Variants in CACNA1E observed in about 807,000 individuals in gnomAD.
CACNA1E encodes the protein voltage-dependent R-type calcium channel subunit alpha-1E.
CACNA1E carries 40 observed loss-of-function variants against 259.2 expected under a neutral mutation model. The observed-to-expected ratio is 0.15, with a 90% CI of 0.12 to 0.20. The LOEUF (loss-of-function observed/expected upper bound fraction) is 0.20. Ranked by LOEUF, CACNA1E falls within the 10% of genes least tolerant of loss-of-function variation. The pLI is 1.00. For missense variants in CACNA1E, 1,874 were observed against 3,040.1 expected (o/e 0.62, Z 9.02); for synonymous variants, 1,104 against 1,138.5 (o/e 0.97, Z 0.61).
chr1:181,418,363 C>T (rs1658440868), intron 2 of CACNA1E, among the ~76,000 whole-genome samples: 2 of 152,102 alleles, frequency 1.3e-5, no homozygotes, highest in Non-Finnish European at 1.5e-5. Context: ...TGCTAGTTTC[C>T]ACTTCCTTTT....
intron 6 of CACNA1E, among the ~76,000 whole-genome samples, chr1:181,648,893 G>C (rs1031887032): frequency 1.3e-5 from 2 of 152,226 alleles, no homozygotes; most frequent in African/African-American, 4.8e-5. Flanking sequence ...ATGTTGGGGT[G>C]CTGGGGGGTT....
At chr1:181,431,575 A>T (rs1055963703) in intron 2 of CACNA1E, among the ~76,000 whole-genome samples, 6 of 152,120 alleles carry the variant, frequency 3.9e-5, no homozygotes, top group African/African-American at 1.4e-4. Flanking sequence ...TGGGTGCTTG[A>T]TGTTACTTAA....
At chr1:181,435,534 A>T (rs1660033364) in intron 2 of CACNA1E, among the ~76,000 whole-genome samples, 1 of 152,058 alleles carries the variant, frequency 6.6e-6, no homozygotes, top group African/African-American at 2.4e-5. Flanking sequence ...TTATTTATTT[A>T]TTAATCCTTC....
intron 1 of CACNA1E, among the ~76,000 whole-genome samples, chr1:181,366,461 T>C (rs1350961259): frequency 6.6e-6 from 1 of 152,228 alleles, no homozygotes; most frequent in African/African-American, 2.4e-5. Context: ...GGTCCTGTTG[T>C]AATCTTGCCA....
intron 1 of CACNA1E, among the ~76,000 whole-genome samples, chr1:181,410,061 A>G (rs1657735933): frequency 6.6e-6 from 1 of 152,124 alleles, no homozygotes; most frequent in African/African-American, 2.4e-5. Context: ...TGCAGCCAGC[A>G]GGGCCTGAGA....
intron 44 of CACNA1E, among the ~76,000 whole-genome samples, chr1:181,791,835 T>A (rs1158232340): frequency 6.6e-6 from 1 of 152,212 alleles, no homozygotes; most frequent in African/African-American, 2.4e-5. Context: ...CCGCTGCTAC[T>A]GTGTACCTCA....
chr1:181,604,032 G>A (rs2103076787), intron 6 of CACNA1E, among the ~76,000 whole-genome samples: 1 of 152,318 alleles, frequency 6.6e-6, no homozygotes, highest in East Asian at 1.9e-4. Context: ...GAGCTAGACA[G>A]CCATTCTCAT....
intron 2 of CACNA1E, among the ~76,000 whole-genome samples, chr1:181,477,646 T>C (rs950892441): frequency 1.1e-4 from 16 of 152,142 alleles, no homozygotes; most frequent in Non-Finnish European, 2.2e-4. Context: ...ATGTCTCTGC[T>C]CCTCTGTCCA....
Position 181,784,664 on chromosome 1 carries a change from G to T in CACNA1E, c.5474G>T (p.Gly1825Val), listed in dbSNP as rs2102841237. The T allele has an allele frequency of 6.4e-7, 1 of 1,565,984 alleles. No homozygotes were observed. The highest frequency in any genetic ancestry group is 8.7e-7 in the Non-Finnish European group (1 of 1,153,476). ...TTAGTAATTTATCTTATTCTAGGTG[G>T]TGCAGACAGGCAGCAGCTAGACTCA... ...TALDIKIAKG[G>V]ADRQQLDSEL... The change falls in exon 41 of 48, where the codon GGT becomes GTT. Residue 1825 changes from glycine to valine, a missense_variant. Physicochemically the swap from Gly to Val is moderately radical, Grantham distance 109. Coordinates refer to ENST00000367573, the MANE Select transcript of CACNA1E (RefSeq NM_001205293.3).
upstream of CACNA1E, among the ~76,000 whole-genome samples, chr1:181,479,824 G>A (rs1261146965): frequency 1.3e-5 from 2 of 152,298 alleles, no homozygotes; most frequent in East Asian, 1.9e-4. Context: ...ACACTCTGCC[G>A]CTTATCAGAT....
At chr1:181,621,160 TGG>T (rs747580342) in intron 6 of CACNA1E, among the ~76,000 whole-genome samples, 2 of 152,242 alleles carry the variant, frequency 1.3e-5, no homozygotes, top group Non-Finnish European at 2.9e-5. Context: ...CAAAAATGTG[TGG>T]GCTGTTGCTA....
chr1:181,341,137 G>A (rs186048313), intron 1 of CACNA1E, among the ~76,000 whole-genome samples: 19 of 152,122 alleles, frequency 1.2e-4, no homozygotes, highest in African/African-American at 3.6e-4. Flanking sequence ...GTCCACCTCC[G>A]AGAGGAGCAC....
At chr1:181,538,233 A>G (rs1237467127) in intron 3 of CACNA1E, among the ~76,000 whole-genome samples, 2 of 152,232 alleles carry the variant, frequency 1.3e-5, no homozygotes, top group African/African-American at 4.8e-5. Flanking sequence ...TATGATTGCA[A>G]ATAAATTAGG....
chr1:181,732,311 T>C lies in CACNA1E; in HGVS notation c.2298-73T>C, dbSNP rs1655562740. ...CCACCATGTGTCCTGCCCTCTCACA[T>C]GGCCCCTGTGGCCACCCTCCCTGCC... On this transcript the variant is annotated intron_variant, in intron 19 of 47. Transcript: ENST00000367573. The surrounding 1 kb of genome is among the most constrained non-coding windows in gnomAD (Gnocchi z 5.5). 6.9e-7 allele frequency: 1 copy of C among 1,451,090 alleles called. No homozygotes were observed. The highest frequency in any genetic ancestry group is 1.5e-5 in the South Asian group (1 of 67,714). The allele number at this position is 1,451,090 out of a possible 1,614,324, so 89.9% of individuals were successfully genotyped here.
At chr1:181,349,079 A>C (rs1039278737) in intron 1 of CACNA1E, among the ~76,000 whole-genome samples, 11 of 119,910 alleles carry the variant, frequency 9.2e-5, no homozygotes, top group African/African-American at 3.2e-4. Flanking sequence ...ATCCTTGGGG[A>C]GCTCTTGGGG....
At chr1:181,604,445 A>G (rs534519923) in intron 6 of CACNA1E, among the ~76,000 whole-genome samples, 4 of 152,344 alleles carry the variant, frequency 2.6e-5, no homozygotes, top group Non-Finnish European at 4.4e-5. Flanking sequence ...GGTTGGCTAC[A>G]CTTTCCTTAG....
At chr1:181,424,903 C>T (rs904473808) in intron 2 of CACNA1E, among the ~76,000 whole-genome samples, 2 of 152,164 alleles carry the variant, frequency 1.3e-5, no homozygotes, top group African/African-American at 2.4e-5. Context: ...TCCCCTCTCT[C>T]CCACCCTGCC....
At chr1:181,689,781 G>A (rs1273616759) in intron 7 of CACNA1E, among the ~76,000 whole-genome samples, 3 of 152,040 alleles carry the variant, frequency 2.0e-5, no homozygotes, top group Non-Finnish European at 4.4e-5. Flanking sequence ...GTCTTCTTTT[G>A]AGAAGTGTCT....
At chr1:181,526,359 C>T (rs687903) in intron 3 of CACNA1E, among the ~76,000 whole-genome samples, 22,782 of 150,916 alleles carry the variant, frequency 0.15, 1,924 homozygotes, top group African/African-American at 0.21. Context: ...GGTTTCTGAC[C>T]GTGATGCTAC....
Sources: gnomAD v4.1 joint callset for allele counts (sites outside exome capture counted in the v4.1 genomes callset) on GRCh38, gnomAD v4.1.1 for gene constraint, Gnocchi (gnomAD v3.1) non-coding constraint, MANE v1.5 for transcripts, NCBI Gene and HGNC (gene_info 2026-07-23, HGNC 2026-07-21) for gene names.